The following PSTPIP2 variants were observed in gnomAD, a reference collection of about 807,000 sequenced individuals.
PSTPIP2 encodes the protein proline-serine-threonine phosphatase interacting protein 2, also known as proline-serine-threonine phosphatase-interacting protein 2.
A neutral mutation model predicts 63.3 loss-of-function variants in PSTPIP2; 33 were observed. The observed-to-expected ratio is 0.52, with a 90% confidence interval of 0.40 to 0.70. PSTPIP2 has a LOEUF of 0.70. Ranked by LOEUF, PSTPIP2 falls within the 30% of genes least tolerant of loss-of-function variation. PSTPIP2 has a pLI of 0.00. For missense variants in PSTPIP2, 312 were observed against 400.7 expected, an observed-to-expected ratio of 0.78 and a Z score of 1.89; for synonymous variants, 125 against 132.7, an observed-to-expected ratio of 0.94 and a Z score of 0.40.
chr18:46,003,969 T>C (rs1447675548), intron 6 of PSTPIP2, among the ~76,000 whole-genome samples: 2 of 152,028 alleles, frequency 1.3e-5, no homozygotes, highest in African/African-American at 4.8e-5. Context: ...TTTTGCCATG[T>C]TGGCCAGGCT....
chr18:46,028,977 G>A, intron 2 of PSTPIP2: 1 of 994,728 alleles, frequency 1.0e-6, no homozygotes, highest in Admixed American at 1.7e-5. Context: ...TCTCATCTGT[G>A]CAGTTCCGTC....
intron 1 of PSTPIP2, among the ~76,000 whole-genome samples, chr18:46,064,721 G>A (rs1909119973): frequency 6.6e-6 from 1 of 152,088 alleles, no homozygotes; most frequent in South Asian, 2.1e-4. Context: ...GGGCAAGAGT[G>A]ACTTATTAGA....
At chr18:46,037,840 T>A (rs546081691) in intron 2 of PSTPIP2, among the ~76,000 whole-genome samples, 28 of 152,344 alleles carry the variant, frequency 1.8e-4, no homozygotes, top group African/African-American at 6.7e-4. Context: ...AAGACTGACT[T>A]CTTTTTGCTA....
chr18:46,038,479 T>C (rs911622176), intron 2 of PSTPIP2, among the ~76,000 whole-genome samples: 11 of 152,174 alleles, frequency 7.2e-5, no homozygotes, highest in Non-Finnish European at 1.3e-4. Context: ...AGGAAATTTA[T>C]AGAAGCCATA....
At chr18:46,002,729 G>A (rs1222885081) in intron 6 of PSTPIP2, among the ~76,000 whole-genome samples, 1 of 152,166 alleles carries the variant, frequency 6.6e-6, no homozygotes, top group East Asian at 1.9e-4. Flanking sequence ...GCTGAGGTAG[G>A]AGAATCACTT....
chr18:45,995,562 A>C (rs1287876973), intron 9 of PSTPIP2, among the ~76,000 whole-genome samples: 1 of 152,224 alleles, frequency 6.6e-6, no homozygotes, highest in Non-Finnish European at 1.5e-5. Context: ...GAGAAGCATA[A>C]TAACCTACAG....
chr18:46,011,488 C>T (rs1158342352), intron 4 of PSTPIP2, among the ~76,000 whole-genome samples: 2 of 152,162 alleles, frequency 1.3e-5, no homozygotes, highest in Non-Finnish European at 1.5e-5. Flanking sequence ...GCTAGAAGAT[C>T]TTTAGCTTAG....
At chr18:46,001,737 T>A (rs1315327761) in intron 6 of PSTPIP2, among the ~76,000 whole-genome samples, 1 of 152,216 alleles carries the variant, frequency 6.6e-6, no homozygotes, top group East Asian at 1.9e-4. Context: ...TTTCATTATT[T>A]TTTTTTAATT....
At chr18:46,035,709 G>A (rs1194212437) in intron 2 of PSTPIP2, among the ~76,000 whole-genome samples, 1 of 152,114 alleles carries the variant, frequency 6.6e-6, no homozygotes, top group Non-Finnish European at 1.5e-5. Context: ...TCCCTAGATA[G>A]CCACCAGCCT....
In PSTPIP2 at chr18:45,984,349, T is replaced by C. The variant is rs912781153; in HGVS notation, c.*1110A>G. On this transcript the variant is annotated 3_prime_UTR_variant, in exon 15 of 15. Transcript: ENST00000409746. ...GCACAGGTGTTGTACAAAAAGTACA[T>C]GACCTCCCTGCTGTTTGTGAGTGAA... is the stretch of plus-strand genomic sequence containing the variant. 2.6e-5 allele frequency: 4 copies of C among 152,174 alleles called. No individual in the cohort carries two copies. The highest frequency in any genetic ancestry group is 2.1e-4 in the South Asian group (1 of 4,830). 9.4% of individuals were successfully genotyped at this position (152,174 alleles called of 1,614,324 possible). A position where few individuals can be genotyped will look rare whatever the true frequency, so the allele number is the denominator to read the frequency against.
intron 1 of PSTPIP2, among the ~76,000 whole-genome samples, chr18:46,064,206 T>C (rs1265531633): frequency 6.6e-6 from 1 of 151,966 alleles, no homozygotes; most frequent in Admixed American, 6.6e-5. Flanking sequence ...ATCCTATTTA[T>C]ACAGAAGGTA....
Position 46,015,939 on chromosome 18 carries a change from T to C in PSTPIP2, c.213-2A>G. 6.2e-7 allele frequency: 1 copy of C among 1,611,054 alleles called. No individual in the cohort carries two copies. Among genetic ancestry groups the C allele is most frequent in the South Asian group, 1.1e-5 (1 of 90,704 alleles). ...ACTTCAAGGGCCCGCTTCAGGGTGC[T>C]AAAAAAAACAAGCACATATATAATT... On this transcript the variant is annotated splice_acceptor_variant, in intron 3 of 14. Coordinates refer to ENST00000409746, the MANE Select transcript of PSTPIP2 (RefSeq NM_024430.4). LOFTEE classifies it high-confidence loss of function.
At chr18:46,046,670 T>G (rs1285280607) in intron 1 of PSTPIP2, among the ~76,000 whole-genome samples, 1 of 152,082 alleles carries the variant, frequency 6.6e-6, no homozygotes, top group Non-Finnish European at 1.5e-5. Context: ...TGCAGGCCTG[T>G]GAAAATAAAG....
intron 6 of PSTPIP2, 86 bp from the exon 7 acceptor site, chr18:45,999,620 A>G: frequency 7.3e-7 from 1 of 1,373,362 alleles, no homozygotes; most frequent in Non-Finnish European, 1.0e-6. Context: ...GAAGTCCAGC[A>G]TGGACAGGGC....
Position 45,984,018 on chromosome 18 carries a change from G to A in PSTPIP2, c.*1441C>T, listed in dbSNP as rs1430098767. 6.6e-6 allele frequency: 1 copy of A among 152,102 alleles called. No individual in the cohort carries two copies. The highest frequency in any genetic ancestry group is 1.9e-4 in the East Asian group (1 of 5,172). The allele number at this position is 152,102 out of a possible 1,614,324, so 9.4% of individuals were successfully genotyped here. On this transcript the variant is annotated 3_prime_UTR_variant, in exon 15 of 15. Coordinates refer to ENST00000409746, the MANE Select transcript of PSTPIP2 (RefSeq NM_024430.4). ...AAAAAATTAGCCAGGTGTGGTGGTG[G>A]GTGCCTGTAATCCCAGCTACTCAGG...
intron 2 of PSTPIP2, among the ~76,000 whole-genome samples, chr18:46,027,514 C>A (rs1341633758): frequency 6.6e-6 from 1 of 151,282 alleles, no homozygotes; most frequent in Non-Finnish European, 1.5e-5. Context: ...GCATGGGAAA[C>A]CCTGTCTCTA....
chr18:46,005,717 C>A (rs1160971652), intron 5 of PSTPIP2, among the ~76,000 whole-genome samples, 186 bp from the exon 6 acceptor site: 2 of 152,128 alleles, frequency 1.3e-5, no homozygotes, highest in Non-Finnish European at 2.9e-5. Context: ...ATAACGGGGC[C>A]CATCTTTGAA....
intron 7 of PSTPIP2, 86 bp downstream of exon 7, chr18:45,999,350 G>C: frequency 7.9e-7 from 1 of 1,271,154 alleles, no homozygotes; most frequent in South Asian, 1.2e-5. Context: ...TAGGATACAG[G>C]TTCATTTCTT....
chr18:45,985,127 C>T lies in PSTPIP2; in HGVS notation c.*332G>A, dbSNP rs140978384. 4 of 346,554 alleles carry T rather than the reference C, an allele frequency of 1.2e-5. No individual in the cohort carries two copies. Among genetic ancestry groups the T allele is most frequent in the African/African-American group, 4.3e-5 (2 of 46,040 alleles). The allele number at this position is 346,554 out of a possible 1,614,324, so 21.5% of individuals were successfully genotyped here. A position where few individuals can be genotyped will look rare whatever the true frequency, so the allele number is the denominator to read the frequency against. ...GCAGTTGGTGGCTCAGAATCCTCTGCTGCCACCTCTGCTCCTCAAGTGGAT... is the reference window on the plus strand; with the variant it reads ...GCAGTTGGTGGCTCAGAATCCTCTGTTGCCACCTCTGCTCCTCAAGTGGAT... On this transcript the variant is annotated 3_prime_UTR_variant, in exon 15 of 15. Transcript: ENST00000409746.
Sources: gnomAD v4.1 joint callset for allele counts (sites outside exome capture counted in the v4.1 genomes callset) on GRCh38, gnomAD v4.1.1 for gene constraint, MANE v1.5 for transcripts, NCBI Gene and HGNC (gene_info 2026-07-23, HGNC 2026-07-21) for gene names.